TUB: variants seen among roughly 807,000 people sequenced by gnomAD.
TUB encodes the protein TUB bipartite transcription factor, also known as tubby protein homolog.
TUB carries 33 observed loss-of-function variants against 59.7 expected under a neutral mutation model. That is an observed-to-expected ratio of 0.55 (90% CI 0.42 to 0.74). The LOEUF (loss-of-function observed/expected upper bound fraction) is 0.74. Ranked by LOEUF, TUB falls within the 30% of genes least tolerant of loss-of-function variation. TUB has a pLI of 0.00. For synonymous variants in TUB, 293 were observed against 256.4 expected, an observed-to-expected ratio of 1.14 and a Z score of -1.36; for missense variants, 659 against 672.0, an observed-to-expected ratio of 0.98 and a Z score of 0.21.
intron 1 of TUB, chr11:8,039,384 C>A (rs113881952): frequency 4.8e-5 from 22 of 457,070 alleles, no homozygotes; most frequent in Middle Eastern, 5.5e-4. Context: ...TCCCCACCCC[C>A]CAGTGCTTCA....
chr11:8,060,428 G>C (rs1022756094), intron 2 of TUB, among the ~76,000 whole-genome samples: 2 of 152,190 alleles, frequency 1.3e-5, no homozygotes, highest in Admixed American at 1.3e-4. Flanking sequence ...ACAGTGGTTA[G>C]GAGTCATGGG....
chr11:8,057,912 A>T (rs1207311949), intron 2 of TUB, among the ~76,000 whole-genome samples: 1 of 152,162 alleles, frequency 6.6e-6, no homozygotes, highest in Non-Finnish European at 1.5e-5. Flanking sequence ...TCAGTACTGA[A>T]ACAGTTGTTA....
intron 2 of TUB, among the ~76,000 whole-genome samples, chr11:8,065,326 C>T (rs1281454715): frequency 2.6e-5 from 4 of 152,050 alleles, no homozygotes; most frequent in African/African-American, 7.3e-5. Context: ...GGTGCTGGAG[C>T]GGGTGGTAAT....
intron 1 of TUB, among the ~76,000 whole-genome samples, chr11:8,022,005 T>C (rs919696338): frequency 6.6e-6 from 1 of 152,188 alleles, no homozygotes; most frequent in Non-Finnish European, 1.5e-5. Context: ...AACTCTTTTC[T>C]TCTCACCCTG....
rs1356063968 is a variant in TUB at position 8,101,855 on chromosome 11, T to C, written c.*236T>C. ...GAAGGGATGAGAATAATTCTTTCCATGCCACGAGATCAACACACACTCCCA... is the reference window on the plus strand; with the variant it reads ...GAAGGGATGAGAATAATTCTTTCCACGCCACGAGATCAACACACACTCCCA... On this transcript the variant is annotated 3_prime_UTR_variant, in exon 12 of 12. Coordinates refer to ENST00000299506, the MANE Select transcript of TUB (RefSeq NM_177972.3). 12 of 475,622 alleles carry C rather than the reference T, an allele frequency of 2.5e-5. No individual in the cohort carries two copies. The highest frequency in any genetic ancestry group is 1.8e-4 in the South Asian group (5 of 28,088). The allele number at this position is 475,622 out of a possible 1,614,324, so 29.5% of individuals were successfully genotyped here.
chr11:8,059,313 C>T (rs1199594493), intron 2 of TUB, among the ~76,000 whole-genome samples: 3 of 152,152 alleles, frequency 2.0e-5, no homozygotes, highest in African/African-American at 4.8e-5. Context: ...GAGGAGACAT[C>T]CAGTCGCAGT....
intron 1 of TUB, among the ~76,000 whole-genome samples, chr11:8,021,640 G>C (rs922917118): frequency 6.6e-6 from 1 of 152,052 alleles, no homozygotes; most frequent in African/African-American, 2.4e-5. Context: ...TCTTGGCCAG[G>C]CGTGGTGGCT....
At chr11:8,039,102 A>G in intron 1 of TUB, 1 of 1,553,738 alleles carries the variant, frequency 6.4e-7, no homozygotes. Context: ...ACCCTCACTG[A>G]CCTCAACCCT....
At chr11:8,092,835 C>T (rs190446344) in intron 3 of TUB, among the ~76,000 whole-genome samples, 1 of 152,278 alleles carries the variant, frequency 6.6e-6, no homozygotes, top group Non-Finnish European at 1.5e-5. Flanking sequence ...TGTCTGCCCT[C>T]TACTGGCTAC....
At chr11:8,070,092 C>A (rs1451520903) in intron 2 of TUB, among the ~76,000 whole-genome samples, 4 of 152,224 alleles carry the variant, frequency 2.6e-5, no homozygotes, top group Non-Finnish European at 5.9e-5. Flanking sequence ...CACAAACCAT[C>A]TTGGGGCTCG....
chr11:8,043,637 A>T (rs1012635298), intron 2 of TUB, among the ~76,000 whole-genome samples: 2 of 152,142 alleles, frequency 1.3e-5, no homozygotes, highest in African/African-American at 4.8e-5. Flanking sequence ...ATAATATTGC[A>T]CTTATTTTTA....
At chr11:8,023,690 G>A (rs1480502761) in intron 1 of TUB, among the ~76,000 whole-genome samples, 1 of 152,098 alleles carries the variant, frequency 6.6e-6, no homozygotes, top group Non-Finnish European at 1.5e-5. Flanking sequence ...CAAGCCAAAC[G>A]GACTCCTCAA....
intron 1 of TUB, 60 bp downstream of exon 1, chr11:8,081,608 G>A: frequency 1.3e-5 from 19 of 1,453,224 alleles, no homozygotes; most frequent in Non-Finnish European, 1.7e-5. Context: ...AGCTGGCTGG[G>A]GATACGCGGC....
At chr11:8,097,922 GC>G in intron 8 of TUB, 96 bp downstream of exon 8, 1 of 893,132 alleles carries the variant, frequency 1.1e-6, no homozygotes, top group Non-Finnish European at 1.8e-6. Flanking sequence ...GGAGATCTAG[GC>G]CAGGGATGGA....
intron 2 of TUB, among the ~76,000 whole-genome samples, chr11:8,042,268 A>G (rs1395695362): frequency 6.6e-6 from 1 of 152,012 alleles, no homozygotes; most frequent in Non-Finnish European, 1.5e-5. Flanking sequence ...TTAGTATAAT[A>G]TTTTCTAGGT....
upstream of TUB, chr11:8,076,650 C>T (rs1564911997): frequency 6.6e-6 from 1 of 152,210 alleles, no homozygotes; most frequent in Non-Finnish European, 1.5e-5. Context: ...CAGAGGAGCA[C>T]CTGGCATAGA....
chr11:8,068,341 A>G (rs1943287993), intron 2 of TUB: 1 of 152,216 alleles, frequency 6.6e-6, no homozygotes, highest in South Asian at 2.1e-4. Context: ...TGGTATCTCT[A>G]ATTCCCTCTG....
At chr11:8,039,795 AC>A in intron 2 of TUB, 2 of 928,962 alleles carry the variant, frequency 2.2e-6, no homozygotes, top group Non-Finnish European at 1.5e-6. Flanking sequence ...GGGGCCATGA[AC>A]CCCATATGCG....
chr11:8,027,645 G>C (rs894318444), intron 1 of TUB, among the ~76,000 whole-genome samples: 3 of 152,272 alleles, frequency 2.0e-5, no homozygotes, highest in Admixed American at 6.5e-5. Context: ...CTCCCCAGTA[G>C]CTGGGATTAC....
Sources: allele counts gnomAD v4.1 joint callset (sites outside exome capture counted in the v4.1 genomes callset), GRCh38; gene constraint gnomAD v4.1.1; transcripts MANE v1.5; gene names NCBI Gene and HGNC (gene_info 2026-07-23, HGNC 2026-07-21).